Variants in UBE2D3 observed in about 807,000 individuals in gnomAD.
UBE2D3 encodes ubiquitin conjugating enzyme E2 D3, also known as ubiquitin-conjugating enzyme E2 D3.
Under a neutral mutation model 22.8 loss-of-function variants are expected in UBE2D3, and 2 were observed. The observed-to-expected ratio is 0.09, with a 90% CI of 0.04 to 0.28. The LOEUF is 0.28. Ranked by LOEUF, UBE2D3 falls within the 10% of genes least tolerant of loss-of-function variation. The pLI, the probability that UBE2D3 is intolerant of heterozygous loss-of-function variation, is 1.00. For synonymous variants in UBE2D3, 56 were observed against 60.4 expected, an observed-to-expected ratio of 0.93 and a Z score of 0.34; for missense variants, 27 against 182.5, an observed-to-expected ratio of 0.15 and a Z score of 4.91.
intron 7 of UBE2D3, among the ~76,000 whole-genome samples, 183 bp downstream of exon 7, chr4:102,799,224 A>G (rs1240900113): frequency 6.6e-6 from 1 of 151,928 alleles, no homozygotes; most frequent in African/African-American, 2.4e-5. Context: ...AGAGGGGAGC[A>G]TTCACTGTCA....
intron 1 of UBE2D3, among the ~76,000 whole-genome samples, chr4:102,848,964 TG>T (rs2110365072): frequency 7.2e-6 from 1 of 137,944 alleles, no homozygotes; most frequent in East Asian, 2.1e-4. Flanking sequence ...TGTGTGTGTG[TG>T]TCCAACCCAA....
At chr4:102,849,364 C>CAAAAAAA in intron 1 of UBE2D3, among the ~76,000 whole-genome samples, 1 of 63,264 alleles carries the variant, frequency 1.6e-5, no homozygotes, top group Non-Finnish European at 3.2e-5. Flanking sequence ...ACCCCTGTCT[C>CAAAAAAA]AAAAAAAAAA....
chr4:102,820,202 T>G (rs556101402), intron 2 of UBE2D3, among the ~76,000 whole-genome samples: 35 of 152,352 alleles, frequency 2.3e-4, no homozygotes, highest in African/African-American at 8.2e-4. Context: ...CTGTAACTGT[T>G]CATATAAAGA....
upstream of UBE2D3, chr4:102,827,644 C>G (rs1294686824): frequency 2.0e-6 from 2 of 986,312 alleles, no homozygotes; most frequent in Non-Finnish European, 2.4e-6. Context: ...AGCACAAGAC[C>G]GATGTGAGGC....
upstream of UBE2D3, among the ~76,000 whole-genome samples, chr4:102,831,769 T>G (rs1731130880): frequency 6.6e-6 from 1 of 152,194 alleles, no homozygotes; most frequent in Non-Finnish European, 1.5e-5. Context: ...ATATTTGTAA[T>G]ACTGCTTTTG....
chr4:102,850,864 T>C (rs1346577061), intron 1 of UBE2D3, among the ~76,000 whole-genome samples: 3 of 151,476 alleles, frequency 2.0e-5, no homozygotes, highest in East Asian at 1.9e-4. Flanking sequence ...TTCTCACTTA[T>C]AAGTGGGAGC....
At chr4:102,811,765 A>T (rs1450677619) in intron 2 of UBE2D3, 2 of 448,638 alleles carry the variant, frequency 4.5e-6, no homozygotes, top group Admixed American at 4.9e-5. Context: ...TAAATAAAAA[A>T]GATACAACAG....
At position 102,825,182 on chromosome 4, in the gene UBE2D3, C is replaced by T. The variant is rs566984402; in HGVS notation, c.24+1303G>A. The T allele has an allele frequency of 2.6e-5, 25 of 946,228 alleles. No individual in the cohort carries two copies. In the South Asian group the frequency reaches 8.2e-4, roughly 31 times the overall value. The allele number at this position is 946,228 out of a possible 1,614,324, so 58.6% of individuals were successfully genotyped here. ...TAGTAAAGGCAAATTCTTGCCATTC[C>T]TCTCAGAACTCTTTTTAAAAAAGTA... On this transcript the variant is annotated intron_variant, in intron 2 of 7. Transcript: ENST00000453744.
At chr4:102,867,772 G>A (rs1733217742) in intron 1 of UBE2D3, among the ~76,000 whole-genome samples, 1 of 152,128 alleles carries the variant, frequency 6.6e-6, no homozygotes, top group Admixed American at 6.5e-5. Context: ...ACTACAGCCT[G>A]GGCGATAGAG....
chr4:102,810,495 G>A (rs367767155), intron 2 of UBE2D3: 3 of 151,066 alleles, frequency 2.0e-5, no homozygotes, highest in African/African-American at 7.3e-5. Context: ...CCACCTCCCA[G>A]GTTCACGCCA....
chr4:102,832,158 A>G (rs902125591), upstream of UBE2D3, among the ~76,000 whole-genome samples: 1 of 152,200 alleles, frequency 6.6e-6, no homozygotes, highest in African/African-American at 2.4e-5. Context: ...ATTAAAACAA[A>G]TGAAAAAAAG....
At chr4:102,858,273 CTGA>C in intron 1 of UBE2D3, among the ~76,000 whole-genome samples, 1 of 151,990 alleles carries the variant, frequency 6.6e-6, no homozygotes, top group Non-Finnish European at 1.5e-5. Flanking sequence ...GCTCAAAATG[CTGA>C]TAAGATGAAT....
At chr4:102,860,361 C>G (rs1578300457) in intron 1 of UBE2D3, among the ~76,000 whole-genome samples, 1 of 114,510 alleles carries the variant, frequency 8.7e-6, no homozygotes, top group Non-Finnish European at 1.8e-5. Flanking sequence ...GTGTGTTCAA[C>G]TGCTAGAACT....
At chr4:102,859,738 ATC>A (rs749941657) in intron 1 of UBE2D3, among the ~76,000 whole-genome samples, 2 of 151,570 alleles carry the variant, frequency 1.3e-5, no homozygotes, top group Non-Finnish European at 2.9e-5. Flanking sequence ...ATATCAAATG[ATC>A]TGTCTTCAAG....
chr4:102,820,027 G>A (rs142378702), intron 2 of UBE2D3, among the ~76,000 whole-genome samples: 52 of 152,314 alleles, frequency 3.4e-4, no homozygotes, highest in African/African-American at 1.2e-3. Context: ...GACTGGAAGA[G>A]ATGATAAAAT....
intron 1 of UBE2D3, among the ~76,000 whole-genome samples, chr4:102,865,212 G>C (rs1205370223): frequency 6.6e-6 from 1 of 152,000 alleles, no homozygotes; most frequent in Non-Finnish European, 1.5e-5. Flanking sequence ...AGACATACAC[G>C]GCCAGGCACG....
At chr4:102,859,851 GT>G (rs61150781) in intron 1 of UBE2D3, among the ~76,000 whole-genome samples, 21,897 of 142,976 alleles carry the variant, frequency 0.15, 2,154 homozygotes, top group Non-Finnish European at 0.2. Flanking sequence ...AATTTGATTT[GT>G]TTTTTTTTTT....
intron 1 of UBE2D3, among the ~76,000 whole-genome samples, chr4:102,857,643 ATTGT>A (rs1023509329): frequency 1.3e-5 from 2 of 152,170 alleles, no homozygotes; most frequent in African/African-American, 4.8e-5. Flanking sequence ...ATGTTCTTAA[ATTGT>A]TTATTTCCAG....
intron 4 of UBE2D3, 175 bp from the exon 5 acceptor site, chr4:102,802,813 A>G (rs1229898332): frequency 4.7e-6 from 2 of 427,666 alleles, no homozygotes; most frequent in Non-Finnish European, 8.2e-6. Flanking sequence ...CTTAAAACTT[A>G]TACAGTAATA....
Sources: gnomAD v4.1 joint callset for allele counts (sites outside exome capture counted in the v4.1 genomes callset) on GRCh38, gnomAD v4.1.1 for gene constraint, MANE v1.5 for transcripts, NCBI Gene and HGNC (gene_info 2026-07-23, HGNC 2026-07-21) for gene names.